Variants in PARP9 observed in about 807,000 individuals in gnomAD.
PARP9 encodes the protein poly(ADP-ribose) polymerase family member 9.
PARP9 carries 48 observed loss-of-function variants against 68.8 expected under a neutral mutation model. That is an observed-to-expected ratio of 0.70 (90% CI 0.55 to 0.89). The LOEUF is 0.89. Ranked by LOEUF, PARP9 falls within the 40% of genes least tolerant of loss-of-function variation. The pLI is 0.00. For missense variants in PARP9, 806 were observed against 969.3 expected, an observed-to-expected ratio of 0.83 and a Z score of 2.24; for synonymous variants, 309 against 333.8, an observed-to-expected ratio of 0.93 and a Z score of 0.81.
chr3:122,541,521 A>T (rs2078231167), intron 7 of PARP9, among the ~76,000 whole-genome samples: 1 of 152,250 alleles, frequency 6.6e-6, no homozygotes, highest in Non-Finnish European at 1.5e-5. Context: ...TACTAGTTTT[A>T]AAATCAAACA....
At chr3:122,538,567 G>A (rs780767980) in intron 8 of PARP9, among the ~76,000 whole-genome samples, 5 of 151,946 alleles carry the variant, frequency 3.3e-5, no homozygotes, top group African/African-American at 7.3e-5. Context: ...AAGTGCCATC[G>A]TGCGGCAGAG....
chr3:122,559,985 G>A (rs1034588534), intron 1 of PARP9, among the ~76,000 whole-genome samples: 1 of 152,194 alleles, frequency 6.6e-6, no homozygotes, highest in Non-Finnish European at 1.5e-5. Flanking sequence ...TGAGACTAGA[G>A]CCTGGTCATG....
intron 10 of PARP9, among the ~76,000 whole-genome samples, chr3:122,529,179 A>G (rs1354116142): frequency 7.0e-6 from 1 of 142,462 alleles, no homozygotes; most frequent in Non-Finnish European, 1.5e-5. Flanking sequence ...CGGAGGTTGT[A>G]GTGAGCCAAG....
chr3:122,559,741 A>C (rs1407781039), intron 1 of PARP9, 32 bp from the exon 2 acceptor site: 1 of 916,190 alleles, frequency 1.1e-6, no homozygotes. Flanking sequence ...TGCAATAAAC[A>C]TTAGCCAGAA....
At chr3:122,535,627 G>A in intron 10 of PARP9, 1 of 985,396 alleles carries the variant, frequency 1.0e-6, no homozygotes, top group Non-Finnish European at 1.2e-6. Context: ...AAGAGACATG[G>A]GAGTTACACA....
chr3:122,548,939 G>C (rs2078974215), intron 6 of PARP9, among the ~76,000 whole-genome samples: 1 of 152,060 alleles, frequency 6.6e-6, no homozygotes, highest in African/African-American at 2.4e-5. Context: ...GTGAACTACA[G>C]CTCATTACAG....
At chr3:122,543,562 C>A (rs1420903535) in intron 7 of PARP9, among the ~76,000 whole-genome samples, 3 of 152,146 alleles carry the variant, frequency 2.0e-5, no homozygotes, top group African/African-American at 4.8e-5. Context: ...CAGGCGTAAG[C>A]CACGGTGCCC....
At chr3:122,535,872 T>G in intron 10 of PARP9, 1 of 1,227,472 alleles carries the variant, frequency 8.1e-7, no homozygotes, top group Non-Finnish European at 1.0e-6. Context: ...CCTCAACGTG[T>G]TCTCTGCGGA....
chr3:122,529,990 A>T (rs189619569), intron 10 of PARP9, among the ~76,000 whole-genome samples: 25 of 152,038 alleles, frequency 1.6e-4, no homozygotes, highest in African/African-American at 6.0e-4. Flanking sequence ...CAGTATGGGC[A>T]ACATGGCAAA....
chr3:122,552,867 G>C (rs995606788), intron 4 of PARP9, among the ~76,000 whole-genome samples: 10 of 152,088 alleles, frequency 6.6e-5, no homozygotes, highest in African/African-American at 2.2e-4. Context: ...ATGTACGGAT[G>C]ATATAATTTT....
At chr3:122,537,989 A>T (rs892425657) in intron 8 of PARP9, among the ~76,000 whole-genome samples, 1 of 152,200 alleles carries the variant, frequency 6.6e-6, no homozygotes, top group Non-Finnish European at 1.5e-5. Context: ...CTTAAGACCA[A>T]GTATACTAAA....
intron 1 of PARP9, among the ~76,000 whole-genome samples, chr3:122,561,032 A>G (rs533714599): frequency 1.3e-5 from 2 of 152,210 alleles, no homozygotes; most frequent in African/African-American, 4.8e-5. Context: ...ACTTTCCATC[A>G]CTGGTTCCTA....
At chr3:122,556,169 A>AAAAAAAC (rs2079642575) in intron 3 of PARP9, 48 bp from the exon 4 acceptor site, 1 of 1,126,602 alleles carries the variant, frequency 8.9e-7, no homozygotes, top group Middle Eastern at 3.2e-4. Context: ...AAAAAAAAAA[A>AAAAAAAC]AAAAGCACAG....
intron 6 of PARP9, among the ~76,000 whole-genome samples, chr3:122,547,309 G>T (rs2078837258): frequency 6.6e-6 from 1 of 150,862 alleles, no homozygotes; most frequent in South Asian, 2.1e-4. Flanking sequence ...TGGCCAGACT[G>T]GTCTCGAATT....
intron 3 of PARP9, chr3:122,558,185 C>G: frequency 9.6e-7 from 1 of 1,045,300 alleles, no homozygotes; most frequent in Non-Finnish European, 1.4e-6. Flanking sequence ...GTCAATTCAG[C>G]CATAGGCTGT....
intron 6 of PARP9, among the ~76,000 whole-genome samples, chr3:122,548,289 C>A (rs1409978979): frequency 2.0e-5 from 3 of 152,136 alleles, no homozygotes; most frequent in Non-Finnish European, 4.4e-5. Flanking sequence ...AAAATGGCAA[C>A]CATGCACATA....
upstream of PARP9, chr3:122,564,658 GC>G: frequency 2.6e-6 from 4 of 1,553,592 alleles, no homozygotes; most frequent in Non-Finnish European, 2.6e-6. Context: ...TGGGGGCCCG[GC>G]CCCCGGGTTT....
At chr3:122,532,416 C>A (rs1166222746) in intron 10 of PARP9, 1 of 984,970 alleles carries the variant, frequency 1.0e-6, no homozygotes, top group Non-Finnish European at 1.2e-6. Context: ...CCAGCATAGA[C>A]AAAAGAGGAG....
intron 10 of PARP9, chr3:122,532,302 G>A: frequency 1.0e-6 from 1 of 985,308 alleles, no homozygotes; most frequent in Non-Finnish European, 1.2e-6. Flanking sequence ...CACTACCTGA[G>A]TGTGAAAGGC....
Sources: allele counts gnomAD v4.1 joint callset (sites outside exome capture counted in the v4.1 genomes callset), GRCh38; gene constraint gnomAD v4.1.1; transcripts MANE v1.5; gene names NCBI Gene and HGNC (gene_info 2026-07-23, HGNC 2026-07-21).